The following EDIL3 variants were observed in gnomAD, a reference collection of about 807,000 sequenced individuals.
EDIL3 encodes EGF-like repeat and discoidin I-like domain-containing protein 3.
EDIL3 carries 37 observed loss-of-function variants against 67.4 expected under a neutral mutation model. The ratio of observed to expected loss-of-function variants is 0.55; its 90% CI spans 0.42 to 0.72. The LOEUF (loss-of-function observed/expected upper bound fraction) is 0.72, where lower values mean the gene tolerates loss of function less well. EDIL3 is among the 30% of genes least tolerant of loss of function. The probability of loss-of-function intolerance (pLI) is 0.00; values close to 1 mark genes in which losing one functional copy is unlikely to be tolerated. For missense variants in EDIL3, 527 were observed against 586.3 expected (o/e 0.90, Z 1.04); for synonymous variants, 195 against 196.3 (o/e 0.99, Z 0.05).
intron 1 of EDIL3, among the ~76,000 whole-genome samples, chr5:84,372,962 C>A (rs1370182222): frequency 6.6e-6 from 1 of 152,134 alleles, no homozygotes; most frequent in Non-Finnish European, 1.5e-5. Flanking sequence ...TAAATCGGCT[C>A]TCCTCCAGGA....
intron 6 of EDIL3, among the ~76,000 whole-genome samples, chr5:84,103,608 A>G (rs1464639980): frequency 6.6e-6 from 1 of 152,140 alleles, no homozygotes; most frequent in Non-Finnish European, 1.5e-5. Flanking sequence ...CAACAATCAT[A>G]GGAAAAAAAC....
At chr5:84,196,762 T>G (rs757656633) in intron 3 of EDIL3, 10 of 152,052 alleles carry the variant, frequency 6.6e-5, no homozygotes, top group Non-Finnish European at 1.3e-4. Flanking sequence ...CAGTTAGCCA[T>G]GTACACAGGA....
In EDIL3 at chr5:84,300,430, T is replaced by C. The variant is rs529525671; in HGVS notation, c.68-46218A>G. On this transcript the variant is annotated intron_variant, in intron 1 of 10. Coordinates refer to ENST00000296591, the MANE Select transcript of EDIL3 (RefSeq NM_005711.5). ...AGTGTCTTTTGACAAAGGAAATAACTATTTGCAGTTCCCCTGCATTAGGAA... is the reference window on the plus strand; with the variant it reads ...AGTGTCTTTTGACAAAGGAAATAACCATTTGCAGTTCCCCTGCATTAGGAA... Among the ~76,000 whole-genome samples the C allele has an allele frequency of 2.0e-5, 3 of 152,324 alleles. No individual in the cohort carries two copies. In the East Asian group the frequency reaches 5.8e-4, roughly 29 times the overall value.
chr5:84,262,751 A>G (rs1745259880), intron 1 of EDIL3, among the ~76,000 whole-genome samples: 1 of 129,516 alleles, frequency 7.7e-6, no homozygotes, highest in Non-Finnish European at 1.5e-5. Context: ...GGCTCACTGC[A>G]ACCTCCGCCT....
chr5:84,208,374 C>T (rs753409026), intron 3 of EDIL3, among the ~76,000 whole-genome samples: 2,807 of 152,118 alleles, frequency 0.018, 39 homozygotes, highest in Middle Eastern at 0.061. Context: ...GTTACAATGG[C>T]GATCATTAAA....
intron 6 of EDIL3, among the ~76,000 whole-genome samples, chr5:84,074,220 T>C (rs200713985): frequency 0.28 from 36,472 of 129,904 alleles, 5,846 homozygotes; most frequent in East Asian, 0.36. Context: ...AAGACTTAAA[T>C]GTTAGACCTA....
chr5:83,965,876 C>T (rs1243560642), intron 9 of EDIL3, among the ~76,000 whole-genome samples: 1 of 151,946 alleles, frequency 6.6e-6, no homozygotes, highest in Non-Finnish European at 1.5e-5. Context: ...AAATTTGCGA[C>T]ATTAAACTTA....
At chr5:84,243,019 C>T (rs960922512) in intron 2 of EDIL3, among the ~76,000 whole-genome samples, 1 of 151,954 alleles carries the variant, frequency 6.6e-6, no homozygotes, top group Non-Finnish European at 1.5e-5. Context: ...ATCCCCTTCC[C>T]GTTTAACACT....
At chr5:83,955,653 A>G (rs919677568) in intron 10 of EDIL3, among the ~76,000 whole-genome samples, 4 of 151,788 alleles carry the variant, frequency 2.6e-5, no homozygotes, top group African/African-American at 9.7e-5. Context: ...CTGTCATTAA[A>G]TAACAGTCAC....
chr5:84,018,107 C>G (rs1377929875), intron 9 of EDIL3, among the ~76,000 whole-genome samples: 1 of 152,180 alleles, frequency 6.6e-6, no homozygotes, highest in African/African-American at 2.4e-5. Context: ...TCTGGCTACA[C>G]AAATCTGTAA....
rs1018029659 is a variant in EDIL3 at position 84,007,865 on chromosome 5, T to A, written c.1138-44505A>T. Among the ~76,000 whole-genome samples the A allele has an allele frequency of 2.0e-5, 3 of 152,124 alleles. No individual in the cohort carries two copies. The East Asian group carries it at 5.8e-4, about 29-fold the overall frequency. On this transcript the variant is annotated intron_variant, in intron 9 of 10. Coordinates refer to ENST00000296591, the MANE Select transcript of EDIL3 (RefSeq NM_005711.5). The stretch of plus-strand genomic sequence containing the variant: ...GCAGTATTATTCACAAGAGCCAAGA[T>A]TTGGAATCAACCTAAGTGTCCATCA...
At chr5:84,018,317 T>A (rs1745645923) in intron 9 of EDIL3, among the ~76,000 whole-genome samples, 1 of 152,246 alleles carries the variant, frequency 6.6e-6, no homozygotes, top group Admixed American at 6.6e-5. Flanking sequence ...AACATACAAA[T>A]CCTTGAGGAA....
chr5:84,306,909 G>A (rs1423415526), intron 1 of EDIL3, among the ~76,000 whole-genome samples: 1 of 152,134 alleles, frequency 6.6e-6, no homozygotes, highest in African/African-American at 2.4e-5. Flanking sequence ...CTTATATAAA[G>A]TGATTCATGT....
chr5:84,018,902 C>T (rs1745655976), intron 9 of EDIL3, among the ~76,000 whole-genome samples: 1 of 152,108 alleles, frequency 6.6e-6, no homozygotes, highest in Non-Finnish European at 1.5e-5. Flanking sequence ...ACAACAGGTG[C>T]TGGAGAGGAT....
chr5:83,942,663 G>A lies in EDIL3; in HGVS notation c.*756C>T, dbSNP rs1052765439. 1.3e-5 allele frequency: 2 copies of A among 151,810 alleles called. No individual in the cohort carries two copies. The highest frequency in any genetic ancestry group is 2.4e-5 in the African/African-American group (1 of 41,360). The allele number at this position is 151,810 out of a possible 1,614,324, so 9.4% of individuals were successfully genotyped here. A position where few individuals can be genotyped will look rare whatever the true frequency, so the allele number is the denominator to read the frequency against. On this transcript the variant is annotated 3_prime_UTR_variant, in exon 11 of 11. Coordinates refer to ENST00000296591, the MANE Select transcript of EDIL3 (RefSeq NM_005711.5). ...AAATAAAACTGCAGATTTAATTAAC[G>A]AATATTAAATACAGATCAATCTACT...
At chr5:84,049,421 GT>G (rs1645177996) in intron 9 of EDIL3, among the ~76,000 whole-genome samples, 1 of 152,034 alleles carries the variant, frequency 6.6e-6, no homozygotes. Context: ...CCACTGTTCT[GT>G]TATTTGTTTT....
At chr5:83,986,684 C>A (rs867207811) in intron 9 of EDIL3, among the ~76,000 whole-genome samples, 1 of 152,000 alleles carries the variant, frequency 6.6e-6, no homozygotes, top group African/African-American at 2.4e-5. Flanking sequence ...GAGGTGGGTC[C>A]CCTGCAGGCG....
At chr5:84,203,609 A>G (rs1743892628) in intron 3 of EDIL3, among the ~76,000 whole-genome samples, 1 of 152,186 alleles carries the variant, frequency 6.6e-6, no homozygotes, top group Non-Finnish European at 1.5e-5. Flanking sequence ...AATTAGAATC[A>G]GCTCCAATAA....
chr5:84,047,233 G>C (rs989080726), intron 9 of EDIL3, among the ~76,000 whole-genome samples: 1 of 151,816 alleles, frequency 6.6e-6, no homozygotes, highest in Non-Finnish European at 1.5e-5. Flanking sequence ...CTATTACTTT[G>C]GGCCTTTTTC....
Sources: allele counts gnomAD v4.1 joint callset (sites outside exome capture counted in the v4.1 genomes callset), GRCh38; gene constraint gnomAD v4.1.1; transcripts MANE v1.5; gene names NCBI Gene and HGNC (gene_info 2026-07-23, HGNC 2026-07-21).